PNPLA7: variants seen among roughly 807,000 people sequenced by gnomAD.
The protein encoded by PNPLA7 is patatin-like phospholipase domain-containing protein 7.
PNPLA7 carries 153 observed loss-of-function variants against 161.7 expected under a neutral mutation model. The ratio of observed to expected loss-of-function variants is 0.95; its 90% CI spans 0.83 to 1.08. The LOEUF (loss-of-function observed/expected upper bound fraction) is 1.08, where lower values mean the gene tolerates loss of function less well. Among genes scored for constraint, PNPLA7 ranks in the 50% least tolerant of loss-of-function variants. The probability of loss-of-function intolerance (pLI) is 0.00; values close to 1 mark genes in which losing one functional copy is unlikely to be tolerated. For missense variants in PNPLA7, 1,739 were observed against 1,856.6 expected (o/e 0.94, Z 1.16); for synonymous variants, 809 against 782.1 (o/e 1.03, Z -0.57).
chr9:137,519,710 G>T (rs911931466), intron 11 of PNPLA7, among the ~76,000 whole-genome samples: 1 of 151,326 alleles, frequency 6.6e-6, no homozygotes, highest in African/African-American at 2.4e-5. Context: ...GCACGTGAGG[G>T]GACCTGGGGT....
rs1307691317 is a variant in PNPLA7, at chr9:137,499,442, C to G, written c.1758-1197G>C. On this transcript the variant is annotated intron_variant, in intron 16 of 34. Coordinates refer to ENST00000406427, the MANE Select transcript of PNPLA7 (RefSeq NM_001098537.3). The surrounding 1 kb of genome is among the most constrained non-coding windows in gnomAD (Gnocchi z 5.5). Reference sequence around the variant, plus strand: ...GCCCTGGGTGGTTCCTGTCCCTGCTCTTCGCCATCCGTCCTGATCTCCCTG... The same window carrying G: ...GCCCTGGGTGGTTCCTGTCCCTGCTGTTCGCCATCCGTCCTGATCTCCCTG... Among the ~76,000 whole-genome samples the G allele has an allele frequency of 6.6e-6, 1 of 152,230 alleles. No homozygotes were observed. The highest frequency in any genetic ancestry group is 1.9e-4 in the East Asian group (1 of 5,200).
At chr9:137,510,093 G>A (rs1431631177) in intron 12 of PNPLA7, among the ~76,000 whole-genome samples, 4 of 152,154 alleles carry the variant, frequency 2.6e-5, no homozygotes, top group Non-Finnish European at 4.4e-5. Flanking sequence ...TAGCGGTGAC[G>A]CCAGCGTCTG....
At chr9:137,473,414 G>A (rs370854620) in intron 25 of PNPLA7, among the ~76,000 whole-genome samples, 22 of 152,130 alleles carry the variant, frequency 1.4e-4, no homozygotes, top group African/African-American at 5.3e-4. Context: ...CCTTGGGATA[G>A]GCTGAAGCTC....
chr9:137,491,745 G>A (rs942080947), intron 20 of PNPLA7: 72 of 985,324 alleles, frequency 7.3e-5, no homozygotes, highest in Non-Finnish European at 8.7e-5. Flanking sequence ...TTGGACAGAC[G>A]TTCAATGCTG....
rs756705143 is a variant in PNPLA7 at position 137,463,515 on chromosome 9, G to A, written c.3243C>T (p.Tyr1081=). Reference sequence around the variant, plus strand: ...CGGACAGGGACATGCTGGCACGCACGTACCACCACAGGGAGCCTGGGGAGG... The same window carrying A: ...CGGACAGGGACATGCTGGCACGCACATACCACCACAGGGAGCCTGGGGAGG... ...RVHTDGSLWW[Y]VRASMSLSGY... The change falls in exon 29 of 35, where the codon TAC becomes TAT. Residue 1081 remains tyrosine, a synonymous_variant. Coordinates refer to ENST00000406427, the MANE Select transcript of PNPLA7 (RefSeq NM_001098537.3). 14 of 1,585,104 alleles carry A rather than the reference G, an allele frequency of 8.8e-6. No individual in the cohort carries two copies. Among genetic ancestry groups the A allele is most frequent in the South Asian group, 5.7e-5 (5 of 86,996 alleles).
rs1048353633 is a variant in PNPLA7 at position 137,461,965 on chromosome 9, TCG to T, written c.3720_3721del (p.Asp1241ProfsTer31). On this transcript the variant is annotated frameshift_variant, in exon 32 of 35. Coordinates refer to ENST00000406427, the MANE Select transcript of PNPLA7 (RefSeq NM_001098537.3). LOFTEE classifies it high-confidence loss of function. ...GGGCTTCTTGCTCGGCCCCTGCTGGTCGCGGAGCATCTTCTCCAGCACGCCGC... is the reference window on the plus strand; with the variant it reads ...GGGCTTCTTGCTCGGCCCCTGCTGGTCGGAGCATCTTCTCCAGCACGCCGC... The T allele has an allele frequency of 3.1e-6, 5 of 1,595,742 alleles. No homozygotes were observed. Among genetic ancestry groups the T allele is most frequent in the Admixed American group, 1.7e-5 (1 of 58,652 alleles).
At chr9:137,477,888 TG>T in intron 25 of PNPLA7, 145 bp downstream of exon 25, 1 of 578,230 alleles carries the variant, frequency 1.7e-6, no homozygotes, top group Non-Finnish European at 2.6e-6. Flanking sequence ...CAGGCCGGGG[TG>T]GAGGCTGGGT....
chr9:137,497,994 A>C, intron 17 of PNPLA7, 120 bp downstream of exon 17: 1 of 1,467,546 alleles, frequency 6.8e-7, no homozygotes. Flanking sequence ...CCAGCCTTCC[A>C]TGTGTGGTTT....
chr9:137,524,237 G>A lies in PNPLA7; in HGVS notation c.748-1380C>T, dbSNP rs574441716. Among the ~76,000 whole-genome samples the A allele has an allele frequency of 2.4e-4, 36 of 152,312 alleles. No individual in the cohort carries two copies. Among genetic ancestry groups the A allele is most frequent in the African/African-American group, 7.5e-4 (31 of 41,576 alleles). On this transcript the variant is annotated intron_variant, in intron 8 of 34. Transcript: ENST00000406427. This position sits in a 1 kb window ranked among gnomAD's most constrained non-coding sequence, Gnocchi z 4.4. ...CTTCCCTCAGCGGTGTGACACACTC[G>A]AGATTCCCCCACGGTGGCATGTCTG...
intron 15 of PNPLA7, among the ~76,000 whole-genome samples, 166 bp downstream of exon 15, chr9:137,501,484 G>C (rs192174468): frequency 8.5e-5 from 13 of 152,248 alleles, no homozygotes; most frequent in Admixed American, 1.3e-4. Context: ...AGGGCTCAGG[G>C]CTGCCTGAGG....
chr9:137,528,857 C>T (rs7020391), intron 8 of PNPLA7, among the ~76,000 whole-genome samples: 2,008 of 152,150 alleles, frequency 0.013, 40 homozygotes, highest in African/African-American at 0.044. Context: ...CCCGCCACCA[C>T]GCCTGGCTAA....
chr9:137,462,407 G>A (rs573766722), intron 30 of PNPLA7, 76 bp from the exon 31 acceptor site: 1 of 1,520,058 alleles, frequency 6.6e-7, no homozygotes. Flanking sequence ...GCGCAGGACA[G>A]GTTCTGGGGA....
In PNPLA7 at chr9:137,467,171, A is replaced by G. The variant is rs1363313619; in HGVS notation, c.3039+146T>C. The G allele has an allele frequency of 8.7e-7, 1 of 1,149,592 alleles. No homozygotes were observed. The highest frequency in any genetic ancestry group is 1.2e-6 in the Non-Finnish European group (1 of 838,942). The allele number at this position is 1,149,592 out of a possible 1,614,324, so 71.2% of individuals were successfully genotyped here. ...CTCTGTGGTGCTCCTTTGCCTCACA[A>G]GCTGCACTGGGAGGCTTCAGGGGGT... On this transcript the variant is annotated intron_variant, in intron 26 of 34. Transcript: ENST00000406427. The surrounding 1 kb of genome is among the most constrained non-coding windows in gnomAD (Gnocchi z 5.1).
At position 137,543,614 on chromosome 9, in the gene PNPLA7, GT is replaced by G; in HGVS notation, c.366-43del. 1 of 1,606,036 alleles carries G rather than the reference GT, an allele frequency of 6.2e-7. No homozygotes were observed. The highest frequency in any genetic ancestry group is 1.7e-5 in the Admixed American group (1 of 59,584). ...CACTAGCCTTGAGCAGACCAGGCGG[GT>G]TCGAAACCCACAGCATCAGTGGCTG... On this transcript the variant is annotated intron_variant, in intron 5 of 34. Transcript: ENST00000406427. The surrounding 1 kb of genome is among the most constrained non-coding windows in gnomAD (Gnocchi z 6.9).
chr9:137,526,059 T>C (rs906493152), intron 8 of PNPLA7, among the ~76,000 whole-genome samples: 2 of 151,840 alleles, frequency 1.3e-5, no homozygotes, highest in Non-Finnish European at 2.9e-5. Flanking sequence ...AACTAATGAT[T>C]AATATTCATA....
At chr9:137,514,158 G>A (rs1263891600) in intron 12 of PNPLA7, among the ~76,000 whole-genome samples, 6 of 149,652 alleles carry the variant, frequency 4.0e-5, no homozygotes, top group Non-Finnish European at 6.0e-5. Context: ...GGCTGCGGGC[G>A]TGTCACCCGG....
chr9:137,483,450 G>GTAAC (rs1205328650), intron 21 of PNPLA7, among the ~76,000 whole-genome samples: 1 of 152,162 alleles, frequency 6.6e-6, no homozygotes, highest in East Asian at 1.9e-4. Context: ...TGTTTTGAGA[G>GTAAC]TAACTTTCAT....
At chr9:137,462,861 C>A (rs566278578) in intron 29 of PNPLA7, 28 bp from the exon 30 acceptor site, 1 of 1,611,630 alleles carries the variant, frequency 6.2e-7, no homozygotes. Context: ...CTGGTTACCC[C>A]CTGGACAGGC....
intron 31 of PNPLA7, 32 bp downstream of exon 31, chr9:137,462,147 C>G: frequency 6.5e-7 from 1 of 1,542,736 alleles, no homozygotes; most frequent in Non-Finnish European, 8.8e-7. Context: ...TGCCTCCGCC[C>G]GCCTCCGCCG....
Sources: gnomAD v4.1 joint callset for allele counts (sites outside exome capture counted in the v4.1 genomes callset) on GRCh38, gnomAD v4.1.1 for gene constraint, Gnocchi (gnomAD v3.1) non-coding constraint, MANE v1.5 for transcripts, NCBI Gene and HGNC (gene_info 2026-07-23, HGNC 2026-07-21) for gene names.